The following KLF12 variants were observed in gnomAD, a reference collection of about 807,000 sequenced individuals.
KLF12 encodes the protein KLF transcription factor 12.
A neutral mutation model predicts 37.8 loss-of-function variants in KLF12; 9 were observed. The ratio of observed to expected loss-of-function variants is 0.24; its 90% CI spans 0.14 to 0.42. KLF12 has a LOEUF of 0.42. KLF12 is among the 10% of genes least tolerant of loss of function. KLF12 has a pLI of 1.00. For synonymous variants in KLF12, 208 were observed against 202.1 expected (o/e 1.03, Z -0.25); for missense variants, 411 against 516.0 (o/e 0.80, Z 1.97).
the KLF12 span, among the ~76,000 whole-genome samples, chr13:74,278,410 C>T: frequency 3.6e-4 from 55 of 152,304 alleles, no homozygotes; most frequent in Middle Eastern, 3.4e-3. Flanking sequence ...CTCCTTATCT[C>T]CATCTAAATT....
the KLF12 span, among the ~76,000 whole-genome samples, chr13:74,247,049 C>G: frequency 5.3e-5 from 8 of 152,286 alleles, no homozygotes; most frequent in Admixed American, 4.6e-4. Flanking sequence ...TGAAAACGAT[C>G]TTATTGTACT....
the KLF12 span, among the ~76,000 whole-genome samples, chr13:74,166,772 A>G: frequency 6.6e-6 from 1 of 152,192 alleles, no homozygotes; most frequent in South Asian, 2.1e-4. Context: ...TTTGATGCTT[A>G]CAGTAGTTCA....
chr13:74,002,761 T>G (rs1566500044), intron 1 of KLF12, among the ~76,000 whole-genome samples: 1 of 152,258 alleles, frequency 6.6e-6, no homozygotes, highest in African/African-American at 2.4e-5. Context: ...TAGCAACTGC[T>G]GGCAGGTAAT....
At chr13:74,264,967 T>C in the KLF12 span, among the ~76,000 whole-genome samples, 1 of 152,190 alleles carries the variant, frequency 6.6e-6, no homozygotes, top group Non-Finnish European at 1.5e-5. Context: ...GTATAGATTA[T>C]TGATCATGCT....
chr13:73,843,070 A>G (rs1052331643), intron 4 of KLF12, among the ~76,000 whole-genome samples: 5 of 152,226 alleles, frequency 3.3e-5, no homozygotes, highest in Non-Finnish European at 7.3e-5. Context: ...TTCTCATACT[A>G]AACTCTCATC....
Position 74,063,066 on chromosome 13 carries a change from C to A in KLF12, c.-31-68013G>T, listed in dbSNP as rs12870329. On this transcript the variant is annotated intron_variant, in intron 1 of 7. Transcript: ENST00000377669. ...TTTGCTTCGGAAAAACCTCTCTCTC[C>A]GAGCTTCCTCTGTGCCGCACCTCCA... 2.4e-4 allele frequency among the ~76,000 whole-genome samples: 36 copies of A among 152,224 alleles called. No individual in the cohort carries two copies. The East Asian group carries it at 5.2e-3, about 22-fold the overall frequency.
chr13:73,878,041 T>G (rs555328388), intron 3 of KLF12, among the ~76,000 whole-genome samples: 1 of 152,282 alleles, frequency 6.6e-6, no homozygotes, highest in South Asian at 2.1e-4. Flanking sequence ...ATAATCTAGT[T>G]GCTACTTTTC....
chr13:73,949,906 A>G (rs1388515335), intron 2 of KLF12, among the ~76,000 whole-genome samples: 8 of 152,242 alleles, frequency 5.3e-5, no homozygotes, highest in Non-Finnish European at 8.8e-5. Flanking sequence ...ATTAACAGAA[A>G]TAAGAGCCAA....
chr13:73,777,051 G>A (rs974460619), intron 5 of KLF12, among the ~76,000 whole-genome samples: 3 of 152,178 alleles, frequency 2.0e-5, no homozygotes, highest in Non-Finnish European at 4.4e-5. Flanking sequence ...GAGTTGGAAG[G>A]CAGCAGACAA....
At chr13:74,123,222 T>C (rs1411151978) in intron 1 of KLF12, among the ~76,000 whole-genome samples, 1 of 152,144 alleles carries the variant, frequency 6.6e-6, no homozygotes, top group Non-Finnish European at 1.5e-5. Context: ...GTTTAAAATG[T>C]ATTATACACA....
intron 2 of KLF12, among the ~76,000 whole-genome samples, chr13:73,983,757 T>C (rs1401236736): frequency 6.6e-6 from 1 of 152,210 alleles, no homozygotes; most frequent in East Asian, 1.9e-4. Context: ...GTCTATGGCA[T>C]TATAGACAGG....
intron 7 of KLF12, among the ~76,000 whole-genome samples, chr13:73,696,039 CG>C (rs1874121067): frequency 6.6e-6 from 1 of 152,170 alleles, no homozygotes; most frequent in South Asian, 2.1e-4. Flanking sequence ...AGAATTCTTA[CG>C]GTCAAGCAGT....
At chr13:74,137,910 G>A (rs1878605106), upstream of KLF12, among the ~76,000 whole-genome samples, 1 of 152,184 alleles carries the variant, frequency 6.6e-6, no homozygotes, top group African/African-American at 2.4e-5. Context: ...ACGGGCATGC[G>A]CCACCACGCC....
the KLF12 span, among the ~76,000 whole-genome samples, chr13:74,286,492 T>A: frequency 2.6e-5 from 4 of 152,218 alleles, no homozygotes. Context: ...ATGTAATTGT[T>A]AGAAAAAATT....
chr13:74,230,451 G>A, the KLF12 span, among the ~76,000 whole-genome samples: 1 of 152,170 alleles, frequency 6.6e-6, no homozygotes, highest in Non-Finnish European at 1.5e-5. Context: ...CAGACACAGA[G>A]TATGTACCCA....
At chr13:73,913,940 A>C (rs1418120284) in intron 3 of KLF12, among the ~76,000 whole-genome samples, 1 of 152,206 alleles carries the variant, frequency 6.6e-6, no homozygotes, top group Non-Finnish European at 1.5e-5. Context: ...TTTTTTAAAA[A>C]GGAGGAGCAG....
At chr13:74,141,851 A>G in the KLF12 span, among the ~76,000 whole-genome samples, 147,307 of 152,296 alleles carry the variant, frequency 0.97, 71,448 homozygotes, top group Middle Eastern at 1. Flanking sequence ...TGGAATTTGG[A>G]ACAACCAACT....
At chr13:74,079,015 C>T (rs1874726308) in intron 1 of KLF12, among the ~76,000 whole-genome samples, 1 of 152,136 alleles carries the variant, frequency 6.6e-6, no homozygotes, top group Non-Finnish European at 1.5e-5. Flanking sequence ...GAGAATATGC[C>T]TGCATCCCAG....
intron 6 of KLF12, among the ~76,000 whole-genome samples, chr13:73,762,545 A>G (rs751981657): frequency 1.6e-4 from 25 of 152,014 alleles, no homozygotes; most frequent in Non-Finnish European, 3.2e-4. Context: ...GATGAACACA[A>G]TTTTTTAATT....
Sources: gnomAD v4.1 joint callset for allele counts (sites outside exome capture counted in the v4.1 genomes callset) on GRCh38, gnomAD v4.1.1 for gene constraint, MANE v1.5 for transcripts, NCBI Gene and HGNC (gene_info 2026-07-23, HGNC 2026-07-21) for gene names.